EXOC4: variants seen among roughly 807,000 people sequenced by gnomAD.
EXOC4 encodes the protein exocyst complex component 4.
EXOC4 carries 71 observed loss-of-function variants against 107.2 expected under a neutral mutation model. The observed-to-expected ratio is 0.66, with a 90% CI of 0.55 to 0.81. The LOEUF is 0.81. Ranked by LOEUF, EXOC4 falls within the 30% of genes least tolerant of loss-of-function variation. The pLI, the probability that EXOC4 is intolerant of heterozygous loss-of-function variation, is 0.00. For synonymous variants in EXOC4, 456 were observed against 441.2 expected (o/e 1.03, Z -0.42); for missense variants, 1,108 against 1,189.6 (o/e 0.93, Z 1.01).
At chr7:133,357,884 GA>G (rs1796056732) in intron 6 of EXOC4, among the ~76,000 whole-genome samples, 1 of 152,076 alleles carries the variant, frequency 6.6e-6, no homozygotes, top group African/African-American at 2.4e-5. Context: ...TCCTGCCACA[GA>G]ATGTTTCAAA....
intron 9 of EXOC4, among the ~76,000 whole-genome samples, chr7:133,552,954 C>T (rs1800620382): frequency 6.6e-6 from 1 of 151,892 alleles, no homozygotes; most frequent in Non-Finnish European, 1.5e-5. Context: ...GAGGACTTAC[C>T]TTTGTAAGGT....
At chr7:133,552,472 C>A (rs1262551415) in intron 9 of EXOC4, among the ~76,000 whole-genome samples, 1 of 152,122 alleles carries the variant, frequency 6.6e-6, no homozygotes, top group Non-Finnish European at 1.5e-5. Flanking sequence ...TAATATCCAA[C>A]ATGTGAGAGA....
At chr7:133,791,937 G>A (rs1284264123) in intron 10 of EXOC4, among the ~76,000 whole-genome samples, 2 of 152,148 alleles carry the variant, frequency 1.3e-5, no homozygotes, top group Non-Finnish European at 2.9e-5. Context: ...CGTCTAAAGG[G>A]TGTGGAAACA....
chr7:133,806,584 G>C (rs539192858), intron 10 of EXOC4, among the ~76,000 whole-genome samples: 1 of 152,274 alleles, frequency 6.6e-6, no homozygotes, highest in Non-Finnish European at 1.5e-5. Flanking sequence ...ACACACTTTA[G>C]GGTTTTCAGC....
chr7:133,479,935 C>G (rs939853521), intron 8 of EXOC4, 115 bp from the exon 9 acceptor site: 1 of 863,232 alleles, frequency 1.2e-6, no homozygotes, highest in African/African-American at 1.7e-5. Flanking sequence ...GTGTCTTCAT[C>G]ACGGAACATC....
At chr7:133,546,380 CG>C (rs1343351355) in intron 9 of EXOC4, among the ~76,000 whole-genome samples, 2 of 151,668 alleles carry the variant, frequency 1.3e-5, no homozygotes, top group East Asian at 3.9e-4. Context: ...CTCAGCCCCC[CG>C]AGTAGCTGGG....
At chr7:133,546,253 C>CTTTTTT (rs368101148) in intron 9 of EXOC4, among the ~76,000 whole-genome samples, 3 of 119,310 alleles carry the variant, frequency 2.5e-5, no homozygotes, top group Admixed American at 9.6e-5. Flanking sequence ...AGCTGGAAAA[C>CTTTTTT]TTTTTTTTTT....
At chr7:134,052,043 A>G (rs933498302) in intron 17 of EXOC4, among the ~76,000 whole-genome samples, 29 of 152,164 alleles carry the variant, frequency 1.9e-4, no homozygotes, top group African/African-American at 7.0e-4. Flanking sequence ...AGGATGGAAA[A>G]CTGTCAAGGA....
At chr7:133,833,689 G>C (rs1797858624) in intron 11 of EXOC4, among the ~76,000 whole-genome samples, 1 of 152,134 alleles carries the variant, frequency 6.6e-6, no homozygotes, top group Non-Finnish European at 1.5e-5. Flanking sequence ...CAGCCTCCCA[G>C]GTAGCTGGGA....
rs200499348 is a variant in EXOC4, at chr7:133,650,937, GTTTTTTTTTTTTT to G, written c.1514+20809_1514+20821del. On this transcript the variant is annotated intron_variant, in intron 10 of 17. Transcript: ENST00000253861. ...TCTTAGTACATACTGAGATTGGTCA[GTTTTTTTTTTTTT>G]TTTTTTTTTTTTGGAATGGGCATTT... Among the ~76,000 whole-genome samples the G allele has an allele frequency of 9.0e-5, 8 of 88,710 alleles. 1 individual carries two copies. The highest frequency in any genetic ancestry group is 4.8e-4 in the South Asian group (1 of 2,076). The allele number at this position is 88,710 out of a possible 152,430, so 58.2% of individuals were successfully genotyped here. A position where few individuals can be genotyped will look rare whatever the true frequency, so the allele number is the denominator to read the frequency against.
intron 1 of EXOC4, among the ~76,000 whole-genome samples, chr7:133,266,535 G>T (rs1013864429): frequency 6.6e-6 from 1 of 152,290 alleles, no homozygotes; most frequent in East Asian, 1.9e-4. Flanking sequence ...ACAATTGTTT[G>T]TCAATCTTAC....
intron 9 of EXOC4, among the ~76,000 whole-genome samples, chr7:133,533,280 A>G (rs924365701): frequency 1.3e-5 from 2 of 152,142 alleles, no homozygotes; most frequent in Non-Finnish European, 2.9e-5. Context: ...TATGTCTGGT[A>G]TATAATATAC....
At chr7:134,058,078 T>C (rs1307717917) in intron 17 of EXOC4, among the ~76,000 whole-genome samples, 1 of 152,210 alleles carries the variant, frequency 6.6e-6, no homozygotes, top group Non-Finnish European at 1.5e-5. Context: ...GTTATTATCA[T>C]AGATACCATT....
intron 10 of EXOC4, among the ~76,000 whole-genome samples, chr7:133,638,384 T>A (rs1019196864): frequency 6.6e-6 from 1 of 152,188 alleles, no homozygotes; most frequent in East Asian, 1.9e-4. Flanking sequence ...CCTAATATAC[T>A]GTGCAGCTTC....
intron 5 of EXOC4, among the ~76,000 whole-genome samples, chr7:133,327,461 A>G (rs1795275922): frequency 6.6e-6 from 1 of 151,284 alleles, no homozygotes; most frequent in Non-Finnish European, 1.5e-5. Context: ...GATCTTAGTT[A>G]TTTCTTGTCT....
At chr7:133,447,919 C>CT (rs1440899687) in intron 7 of EXOC4, among the ~76,000 whole-genome samples, 5 of 152,056 alleles carry the variant, frequency 3.3e-5, no homozygotes, top group African/African-American at 1.2e-4. Flanking sequence ...CAAAAAATGT[C>CT]TATTATGTTG....
At chr7:133,827,667 A>G (rs765890004) in intron 11 of EXOC4, among the ~76,000 whole-genome samples, 6 of 152,286 alleles carry the variant, frequency 3.9e-5, no homozygotes, top group East Asian at 1.9e-4. Flanking sequence ...TTCTTCAACA[A>G]TCTATCATCT....
intron 9 of EXOC4, among the ~76,000 whole-genome samples, chr7:133,494,862 T>G (rs978294325): frequency 1.3e-5 from 2 of 152,198 alleles, no homozygotes; most frequent in African/African-American, 4.8e-5. Flanking sequence ...TAACGTCTAC[T>G]TTTCTATCTG....
chr7:133,549,695 A>C (rs143670952), intron 9 of EXOC4, among the ~76,000 whole-genome samples: 6 of 152,286 alleles, frequency 3.9e-5, no homozygotes, highest in African/African-American at 1.4e-4. Flanking sequence ...CAAACCTTCA[A>C]TTTGTAAAAA....
Sources: allele counts gnomAD v4.1 joint callset (sites outside exome capture counted in the v4.1 genomes callset), GRCh38; gene constraint gnomAD v4.1.1; transcripts MANE v1.5; gene names NCBI Gene and HGNC (gene_info 2026-07-23, HGNC 2026-07-21).